Variants in MTURN observed in about 807,000 individuals in gnomAD.
The protein encoded by MTURN is maturin, neural progenitor differentiation regulator homolog, also known as maturin.
In MTURN, 7 loss-of-function variants were observed where a neutral mutation model predicts 14.9. The ratio of observed to expected loss-of-function variants is 0.47; its 90% CI spans 0.27 to 0.88. The LOEUF is 0.88. MTURN is among the 40% of genes least tolerant of loss of function. MTURN has a pLI of 0.14. For synonymous variants in MTURN, 69 were observed against 72.5 expected, an observed-to-expected ratio of 0.95 and a Z score of 0.25; for missense variants, 151 against 174.1, an observed-to-expected ratio of 0.87 and a Z score of 0.75.
At position 30,160,764 on chromosome 7, in the gene MTURN, C is replaced by T. The variant is rs1452603057; in HGVS notation, c.*3216C>T. On this transcript the variant is annotated 3_prime_UTR_variant, in exon 3 of 3. Coordinates refer to ENST00000324453, the MANE Select transcript of MTURN (RefSeq NM_152793.3). ...GGTTTCCGCAGCCTGATCACCATAT[C>T]GAGCAGACGTCAAGGAATCAGAGTG... 4 of 152,140 alleles carry T rather than the reference C, an allele frequency of 2.6e-5. No individual in the cohort carries two copies. The highest frequency in any genetic ancestry group is 4.8e-5 in the African/African-American group (2 of 41,422). The allele number at this position is 152,140 out of a possible 1,614,324, so 9.4% of individuals were successfully genotyped here. A position where few individuals can be genotyped will look rare whatever the true frequency, so the allele number is the denominator to read the frequency against.
intron 2 of MTURN, among the ~76,000 whole-genome samples, chr7:30,151,602 A>T (rs1416149581): frequency 6.6e-6 from 1 of 152,192 alleles, no homozygotes; most frequent in Non-Finnish European, 1.5e-5. Context: ...AATTCTCTCA[A>T]AGTGTTATGG....
chr7:30,152,176 T>G (rs1797222294), intron 2 of MTURN, among the ~76,000 whole-genome samples: 1 of 151,878 alleles, frequency 6.6e-6, no homozygotes, highest in African/African-American at 2.4e-5. Context: ...CTCATTCATG[T>G]TATGAACATT....
intron 1 of MTURN, among the ~76,000 whole-genome samples, chr7:30,139,270 G>A (rs1207633105): frequency 1.3e-5 from 2 of 152,222 alleles, no homozygotes; most frequent in Non-Finnish European, 2.9e-5. Flanking sequence ...AGCAGACGCT[G>A]CTCTCGGCAC....
intron 2 of MTURN, among the ~76,000 whole-genome samples, chr7:30,148,405 C>G (rs929139685): frequency 1.3e-5 from 2 of 152,198 alleles, no homozygotes; most frequent in African/African-American, 4.8e-5. Context: ...TGGGCTCTTA[C>G]TCTGGAGTGA....
At chr7:30,140,266 A>G (rs1255196777) in intron 1 of MTURN, among the ~76,000 whole-genome samples, 4 of 151,982 alleles carry the variant, frequency 2.6e-5, no homozygotes, top group Non-Finnish European at 4.4e-5. Flanking sequence ...GACACGTTGG[A>G]CTCTAAAATT....
At chr7:30,146,048 T>C in intron 1 of MTURN, 129 bp from the exon 2 acceptor site, 1 of 1,590,728 alleles carries the variant, frequency 6.3e-7, no homozygotes, top group Admixed American at 1.8e-5. Context: ...TGTATGAATT[T>C]TACTGTAGAA....
chr7:30,155,952 T>C (rs1797280980), intron 2 of MTURN, among the ~76,000 whole-genome samples: 1 of 152,184 alleles, frequency 6.6e-6, no homozygotes, highest in South Asian at 2.1e-4. Flanking sequence ...TTGATGCAGT[T>C]AGTGTTTAGA....
In MTURN at chr7:30,158,321, A is replaced by G. The variant is rs1291177159; in HGVS notation, c.*773A>G. The G allele has an allele frequency of 6.5e-6, 1 of 152,688 alleles. No individual in the cohort carries two copies. The highest frequency in any genetic ancestry group is 1.5e-5 in the Non-Finnish European group (1 of 68,046). The allele number at this position is 152,688 out of a possible 1,614,324, so 9.5% of individuals were successfully genotyped here. ...AAGCTGTTTATAAGCCGTCCCACGT[A>G]TAAAATGAAACATTTTACCTTCTCT... On this transcript the variant is annotated 3_prime_UTR_variant, in exon 3 of 3. Transcript: ENST00000324453.
At chr7:30,136,151 T>A (rs1483171085) in intron 1 of MTURN, among the ~76,000 whole-genome samples, 2 of 152,128 alleles carry the variant, frequency 1.3e-5, no homozygotes, top group Non-Finnish European at 2.9e-5. Context: ...CTGAAGCCCG[T>A]TGGCTTTTCC....
At position 30,162,621 on chromosome 7, in the gene MTURN, G is replaced by C. The variant is rs1797392151; in HGVS notation, c.*5073G>C. On this transcript the variant is annotated 3_prime_UTR_variant, in exon 3 of 3. Coordinates refer to ENST00000324453, the MANE Select transcript of MTURN (RefSeq NM_152793.3). ...GTGAATTGGGTTGCCAAAAACTGTT[G>C]CCCTTCGTTAGATGCTTCAAACAGT... is the stretch of plus-strand genomic sequence containing the variant. The C allele has an allele frequency of 1.3e-5, 2 of 152,152 alleles. 1 individual carries two copies. The highest frequency in any genetic ancestry group is 4.2e-4 in the South Asian group (2 of 4,796). The allele number at this position is 152,152 out of a possible 1,614,324, so 9.4% of individuals were successfully genotyped here. A position where few individuals can be genotyped will look rare whatever the true frequency, so the allele number is the denominator to read the frequency against.
intron 1 of MTURN, among the ~76,000 whole-genome samples, chr7:30,143,140 C>T (rs142447409): frequency 6.6e-6 from 1 of 152,258 alleles, no homozygotes; most frequent in Non-Finnish European, 1.5e-5. Flanking sequence ...AACCGCTCTG[C>T]CCCCAACCCC....
intron 2 of MTURN, 21 bp from the exon 3 acceptor site, chr7:30,157,417 T>C (rs1461592516): frequency 1.9e-6 from 3 of 1,547,254 alleles, no homozygotes; most frequent in Non-Finnish European, 1.7e-6. Flanking sequence ...CAGCTGCTTT[T>C]CTCTTGTTCT....
At chr7:30,151,749 G>A (rs994437042) in intron 2 of MTURN, among the ~76,000 whole-genome samples, 1 of 152,156 alleles carries the variant, frequency 6.6e-6, no homozygotes, top group Non-Finnish European at 1.5e-5. Context: ...GCCCGGCCTG[G>A]AGTTGGGTCC....
At chr7:30,156,261 C>T (rs1391579910) in intron 2 of MTURN, among the ~76,000 whole-genome samples, 1 of 151,942 alleles carries the variant, frequency 6.6e-6, no homozygotes, top group African/African-American at 2.4e-5. Context: ...TTGGAAAATA[C>T]AAAAAGATAA....
intron 2 of MTURN, among the ~76,000 whole-genome samples, chr7:30,148,117 G>C (rs758386087): frequency 1.3e-5 from 2 of 152,198 alleles, no homozygotes; most frequent in Non-Finnish European, 2.9e-5. Context: ...AGAAAGGAAA[G>C]AAATCAGGGA....
At position 30,161,468 on chromosome 7, in the gene MTURN, T is replaced by C. The variant is rs1290089178; in HGVS notation, c.*3920T>C. 6.6e-6 allele frequency: 1 copy of C among 152,228 alleles called. No homozygotes were observed. The highest frequency in any genetic ancestry group is 1.5e-5 in the Non-Finnish European group (1 of 68,066). 9.4% of individuals were successfully genotyped at this position (152,228 alleles called of 1,614,324 possible). On this transcript the variant is annotated 3_prime_UTR_variant, in exon 3 of 3. Coordinates refer to ENST00000324453, the MANE Select transcript of MTURN (RefSeq NM_152793.3). ...AGGAACCCTGCTCATCTGGTAGGGC[T>C]CTTTCCTTCAGTAAAACCAGCTGCC...
At chr7:30,156,063 C>T (rs1797282611) in intron 2 of MTURN, among the ~76,000 whole-genome samples, 1 of 152,112 alleles carries the variant, frequency 6.6e-6, no homozygotes, top group Non-Finnish European at 1.5e-5. Context: ...CTCATGAAGG[C>T]ACCAGGAGAC....
At chr7:30,139,073 G>A (rs1166844511) in intron 1 of MTURN, among the ~76,000 whole-genome samples, 1 of 152,190 alleles carries the variant, frequency 6.6e-6, no homozygotes, top group Non-Finnish European at 1.5e-5. Flanking sequence ...CTTCATGAGA[G>A]CAGAGGCCTT....
At chr7:30,136,047 G>GC (rs1330009218) in intron 1 of MTURN, among the ~76,000 whole-genome samples, 6 of 152,182 alleles carry the variant, frequency 3.9e-5, no homozygotes, top group Non-Finnish European at 5.9e-5. Flanking sequence ...CTCTCCCCCT[G>GC]CCCCCGCGCT....
Sources: allele counts gnomAD v4.1 joint callset (sites outside exome capture counted in the v4.1 genomes callset), GRCh38; gene constraint gnomAD v4.1.1; transcripts MANE v1.5; gene names NCBI Gene and HGNC (gene_info 2026-07-23, HGNC 2026-07-21).